ZDHHC11: variants seen among roughly 807,000 people sequenced by gnomAD.
ZDHHC11 encodes the protein zDHHC palmitoyltransferase 11.
In ZDHHC11, 44 loss-of-function variants were observed where a neutral mutation model predicts 51.3. The observed-to-expected ratio is 0.86, with a 90% CI of 0.67 to 1.10. ZDHHC11 has a LOEUF of 1.10. ZDHHC11 is among the 50% of genes least tolerant of loss of function. ZDHHC11 has a pLI of 0.00. For synonymous variants in ZDHHC11, 163 were observed against 222.0 expected, an observed-to-expected ratio of 0.73 and a Z score of 2.36; for missense variants, 400 against 537.7, an observed-to-expected ratio of 0.74 and a Z score of 2.53.
chr5:833,411 C>T (rs1743322870), intron 7 of ZDHHC11, among the ~76,000 whole-genome samples: 1 of 151,688 alleles, frequency 6.6e-6, no homozygotes, highest in Non-Finnish European at 1.5e-5. Context: ...TCAGAGCTTA[C>T]AATGTCTATG....
At chr5:846,292 G>A (rs2150438674) in intron 3 of ZDHHC11, among the ~76,000 whole-genome samples, 1 of 151,246 alleles carries the variant, frequency 6.6e-6, no homozygotes, top group Middle Eastern at 3.4e-3. Flanking sequence ...GGCAACGTTG[G>A]TCCCCACTCC....
chr5:820,044 C>T (rs1741367806), intron 9 of ZDHHC11, among the ~76,000 whole-genome samples: 1 of 151,438 alleles, frequency 6.6e-6, no homozygotes, highest in Non-Finnish European at 1.5e-5. Flanking sequence ...CTTGCCATTC[C>T]CTAATTTTCT....
intron 12 of ZDHHC11, among the ~76,000 whole-genome samples, chr5:798,211 T>C (rs1195485598): frequency 1.3e-5 from 2 of 151,228 alleles, no homozygotes; most frequent in Non-Finnish European, 2.9e-5. Context: ...CTTCCATTTG[T>C]ATCTCTTGAA....
At chr5:834,526 TG>T (rs1343657510) in intron 6 of ZDHHC11, among the ~76,000 whole-genome samples, 1 of 151,054 alleles carries the variant, frequency 6.6e-6, no homozygotes, top group Non-Finnish European at 1.5e-5. Flanking sequence ...TTTTGTTTGT[TG>T]TTTTTTTACA....
upstream of ZDHHC11, among the ~76,000 whole-genome samples, chr5:852,519 C>A (rs949825224): frequency 1.3e-5 from 2 of 151,872 alleles, no homozygotes; most frequent in Admixed American, 6.6e-5. Context: ...CAACGAGCAG[C>A]GGGGACAGAC....
chr5:858,345 T>A (rs10071256), intron 1 of ZDHHC11, among the ~76,000 whole-genome samples: 9,417 of 101,236 alleles, frequency 0.093, 346 homozygotes, highest in African/African-American at 0.18. Flanking sequence ...GAGTCTGTCC[T>A]GGTCCCCATC....
intron 8 of ZDHHC11, chr5:824,118 C>T (rs1225062495): frequency 4.4e-6 from 2 of 453,560 alleles, no homozygotes; most frequent in Non-Finnish European, 8.9e-6. Flanking sequence ...AAGGAGAACA[C>T]ACCTGTAACC....
At chr5:799,269 C>T (rs1738066143) in intron 12 of ZDHHC11, among the ~76,000 whole-genome samples, 1 of 151,428 alleles carries the variant, frequency 6.6e-6, no homozygotes. Flanking sequence ...AGCCCTTCGC[C>T]TCCTCTCTCT....
At chr5:857,603 C>T (rs1449981290) in intron 1 of ZDHHC11, among the ~76,000 whole-genome samples, 1 of 151,156 alleles carries the variant, frequency 6.6e-6, no homozygotes, top group African/African-American at 2.4e-5. Context: ...GGTCCCCATC[C>T]TGTCTTTACG....
intron 11 of ZDHHC11, among the ~76,000 whole-genome samples, chr5:811,840 A>G (rs1263679807): frequency 7.0e-6 from 1 of 142,876 alleles, no homozygotes; most frequent in East Asian, 2.0e-4. Context: ...GAAATGAAAA[A>G]ACCTGAGAAA....
At chr5:821,974 G>A in intron 8 of ZDHHC11, 79 bp from the exon 9 acceptor site, 1 of 1,333,820 alleles carries the variant, frequency 7.5e-7, no homozygotes, top group Non-Finnish European at 1.0e-6. Context: ...TCCATTTCTA[G>A]TCAGTTCTGA....
chr5:800,223 T>C (rs1301039614), intron 12 of ZDHHC11, among the ~76,000 whole-genome samples: 1 of 150,810 alleles, frequency 6.6e-6, no homozygotes, highest in Admixed American at 6.6e-5. Context: ...CTTTTGATGT[T>C]TTGCCCGATC....
chr5:838,549 G>A (rs1744259875), intron 5 of ZDHHC11, among the ~76,000 whole-genome samples: 1 of 152,072 alleles, frequency 6.6e-6, no homozygotes, highest in Non-Finnish European at 1.5e-5. Flanking sequence ...CTGTGAGGTA[G>A]AGAAGAAGCT....
intron 4 of ZDHHC11, chr5:843,227 C>T: frequency 2.5e-6 from 1 of 402,744 alleles, no homozygotes; most frequent in Non-Finnish European, 4.7e-6. Flanking sequence ...CCATGGGCTG[C>T]TCCTGCAGGA....
At chr5:854,170 A>ATG (rs1747768993), upstream of ZDHHC11, among the ~76,000 whole-genome samples, 2 of 137,220 alleles carry the variant, frequency 1.5e-5, no homozygotes, top group Admixed American at 7.2e-5. Context: ...CAGACCACAC[A>ATG]GAGGACAGCG....
intron 6 of ZDHHC11, among the ~76,000 whole-genome samples, chr5:834,234 T>C (rs1192955617): frequency 1.3e-5 from 2 of 152,298 alleles, no homozygotes; most frequent in Non-Finnish European, 2.9e-5. Flanking sequence ...CTGCCTGATG[T>C]AGAATGATGT....
chr5:835,319 A>G (rs1426604802), intron 6 of ZDHHC11, among the ~76,000 whole-genome samples: 1 of 151,670 alleles, frequency 6.6e-6, no homozygotes, highest in Non-Finnish European at 1.5e-5. Flanking sequence ...ATTTCTCCCT[A>G]TTTAATGATT....
At chr5:850,303 C>T in intron 1 of ZDHHC11, 78 bp downstream of exon 1, 1 of 1,513,400 alleles carries the variant, frequency 6.6e-7, no homozygotes, top group East Asian at 2.4e-5. Context: ...AGCCATGGCC[C>T]AGACCCCACA....
At chr5:810,626 A>G (rs1329337080) in intron 11 of ZDHHC11, among the ~76,000 whole-genome samples, 1 of 151,384 alleles carries the variant, frequency 6.6e-6, no homozygotes, top group African/African-American at 2.4e-5. Flanking sequence ...AGCCTGAAGT[A>G]AAAGGCTGTG....
Sources: gnomAD v4.1 joint callset for allele counts (sites outside exome capture counted in the v4.1 genomes callset) on GRCh38, gnomAD v4.1.1 for gene constraint, MANE v1.5 for transcripts, NCBI Gene and HGNC (gene_info 2026-07-23, HGNC 2026-07-21) for gene names.